IMMP2L: variants seen among roughly 807,000 people sequenced by gnomAD.
IMMP2L encodes inner mitochondrial membrane peptidase subunit 2.
A neutral mutation model predicts 19.3 loss-of-function variants in IMMP2L; 18 were observed. The ratio of observed to expected loss-of-function variants is 0.93; its 90% CI spans 0.64 to 1.38. IMMP2L has a LOEUF of 1.38. Among genes scored for constraint, IMMP2L ranks in the 40% most tolerant of loss-of-function variants. IMMP2L has a pLI of 0.00. For missense variants in IMMP2L, 233 were observed against 218.2 expected (o/e 1.07, Z -0.43); for synonymous variants, 76 against 73.0 (o/e 1.04, Z -0.21).
At chr7:111,534,719 C>A (rs1282976432) in intron 1 of IMMP2L, among the ~76,000 whole-genome samples, 1 of 152,140 alleles carries the variant, frequency 6.6e-6, no homozygotes, top group Non-Finnish European at 1.5e-5. Context: ...CTGGTTCATA[C>A]ACAATTTTCC....
chr7:111,227,949 T>A (rs1203341134), intron 3 of IMMP2L, among the ~76,000 whole-genome samples: 1 of 152,136 alleles, frequency 6.6e-6, no homozygotes, highest in Non-Finnish European at 1.5e-5. Context: ...TCTCATTAGT[T>A]GTATTTGTTA....
chr7:110,854,388 C>A (rs1394630529), intron 5 of IMMP2L, among the ~76,000 whole-genome samples: 1 of 151,774 alleles, frequency 6.6e-6, no homozygotes, highest in Non-Finnish European at 1.5e-5. Flanking sequence ...TTGGAAAATC[C>A]ACAGGAGAAA....
chr7:110,716,812 C>T (rs1795260982), intron 5 of IMMP2L, among the ~76,000 whole-genome samples: 1 of 152,028 alleles, frequency 6.6e-6, no homozygotes, highest in African/African-American at 2.4e-5. Context: ...TATAATCTGT[C>T]AAAGGTTTTG....
intron 1 of IMMP2L, among the ~76,000 whole-genome samples, chr7:111,535,084 T>C (rs1319210399): frequency 1.3e-5 from 2 of 152,172 alleles, no homozygotes; most frequent in Non-Finnish European, 2.9e-5. Context: ...TTCTCAGCTC[T>C]GTTTACAAAA....
At chr7:110,978,068 G>A (rs1820887555) in intron 3 of IMMP2L, among the ~76,000 whole-genome samples, 1 of 151,946 alleles carries the variant, frequency 6.6e-6, no homozygotes, top group African/African-American at 2.4e-5. Context: ...AAATGCCCAA[G>A]AAATTCAGCA....
chr7:111,075,084 G>T (rs946616774), intron 3 of IMMP2L, among the ~76,000 whole-genome samples: 4 of 145,876 alleles, frequency 2.7e-5, no homozygotes, highest in Non-Finnish European at 4.5e-5. Context: ...AAAAAAATTT[G>T]GCTGTTATAT....
At chr7:110,682,704 T>C (rs1015186993) in intron 5 of IMMP2L, among the ~76,000 whole-genome samples, 3 of 152,112 alleles carry the variant, frequency 2.0e-5, no homozygotes, top group African/African-American at 4.8e-5. Flanking sequence ...TCCTATTGAA[T>C]GCCACAGAAG....
At chr7:110,871,476 A>G (rs1412294411) in intron 5 of IMMP2L, among the ~76,000 whole-genome samples, 1 of 152,156 alleles carries the variant, frequency 6.6e-6, no homozygotes, top group Non-Finnish European at 1.5e-5. Flanking sequence ...AGCTAAAAGA[A>G]GAACATTCTC....
intron 3 of IMMP2L, among the ~76,000 whole-genome samples, chr7:111,140,333 G>T (rs907059050): frequency 2.0e-5 from 3 of 152,120 alleles, no homozygotes; most frequent in South Asian, 2.1e-4. Context: ...GGTTGGCAAA[G>T]GCAGATATGA....
chr7:111,552,738 T>C (rs1790821331), intron 1 of IMMP2L, among the ~76,000 whole-genome samples: 1 of 152,210 alleles, frequency 6.6e-6, no homozygotes, highest in African/African-American at 2.4e-5. Context: ...CCTTGCCTCA[T>C]GTCCTTGTGT....
chr7:111,143,839 T>A (rs571535388), intron 3 of IMMP2L, among the ~76,000 whole-genome samples: 34 of 152,270 alleles, frequency 2.2e-4, no homozygotes, highest in African/African-American at 7.9e-4. Context: ...CTTTGTCCAT[T>A]AGAAATAAAC....
intron 3 of IMMP2L, among the ~76,000 whole-genome samples, chr7:111,142,606 A>G (rs975462600): frequency 3.9e-5 from 6 of 152,158 alleles, no homozygotes; most frequent in African/African-American, 1.4e-4. Context: ...ATTCAGGTAG[A>G]AAATAATTCA....
chr7:111,161,400 A>G (rs548278777), intron 3 of IMMP2L, among the ~76,000 whole-genome samples: 5 of 152,144 alleles, frequency 3.3e-5, no homozygotes, highest in Admixed American at 2.0e-4. Flanking sequence ...TGACTAAGCT[A>G]ACTTTTAGGA....
intron 2 of IMMP2L, among the ~76,000 whole-genome samples, chr7:111,490,373 C>T (rs1842996649): frequency 6.6e-6 from 1 of 150,880 alleles, no homozygotes; most frequent in Admixed American, 6.6e-5. Flanking sequence ...CCTGCCTTAT[C>T]AACCAAAGCG....
At chr7:110,807,003 T>G (rs529613925) in intron 5 of IMMP2L, among the ~76,000 whole-genome samples, 1 of 152,140 alleles carries the variant, frequency 6.6e-6, no homozygotes, top group African/African-American at 2.4e-5. Flanking sequence ...GTTCTGATTA[T>G]CCATGGATGT....
intron 3 of IMMP2L, among the ~76,000 whole-genome samples, chr7:111,179,151 C>T (rs1412062058): frequency 2.0e-5 from 3 of 151,914 alleles, no homozygotes; most frequent in African/African-American, 7.3e-5. Context: ...ACATCTCCTT[C>T]AGAGCTCTTA....
intron 3 of IMMP2L, among the ~76,000 whole-genome samples, chr7:111,210,202 AG>A (rs1251105377): frequency 1.3e-5 from 2 of 152,148 alleles, no homozygotes; most frequent in Non-Finnish European, 2.9e-5. Context: ...GCAATTCCCT[AG>A]GAAGAGACCC....
chr7:111,493,521 T>A (rs1462721732), intron 2 of IMMP2L, among the ~76,000 whole-genome samples: 1 of 145,208 alleles, frequency 6.9e-6, no homozygotes, highest in Admixed American at 6.9e-5. Flanking sequence ...GCTAACACGG[T>A]GAAACCCCGT....
chr7:110,714,186 A>G (rs1357209646), intron 5 of IMMP2L, among the ~76,000 whole-genome samples: 1 of 152,194 alleles, frequency 6.6e-6, no homozygotes, highest in Non-Finnish European at 1.5e-5. Flanking sequence ...TGAGATGATC[A>G]CATGGTTCTT....
Sources: gnomAD v4.1 joint callset for allele counts (sites outside exome capture counted in the v4.1 genomes callset) on GRCh38, gnomAD v4.1.1 for gene constraint, MANE v1.5 for transcripts, NCBI Gene and HGNC (gene_info 2026-07-23, HGNC 2026-07-21) for gene names.